The following ERN1 variants were observed in gnomAD, a reference collection of about 807,000 sequenced individuals.
ERN1 encodes endoplasmic reticulum to nucleus signaling 1, also known as serine/threonine-protein kinase/endoribonuclease IRE1.
Under a neutral mutation model 113.1 loss-of-function variants are expected in ERN1, and 39 were observed. The observed-to-expected ratio is 0.34, with a 90% CI of 0.27 to 0.45. The LOEUF (loss-of-function observed/expected upper bound fraction) is 0.45, where lower values mean the gene tolerates loss of function less well. Ranked by LOEUF, ERN1 falls within the 20% of genes least tolerant of loss-of-function variation. ERN1 has a pLI of 1.00. For missense variants in ERN1, 976 were observed against 1,274.8 expected (o/e 0.77, Z 3.57); for synonymous variants, 507 against 515.9 (o/e 0.98, Z 0.23).
At chr17:64,064,590 A>G (rs1275409439) in intron 9 of ERN1, among the ~76,000 whole-genome samples, 1 of 152,212 alleles carries the variant, frequency 6.6e-6, no homozygotes, top group Non-Finnish European at 1.5e-5. Context: ...CAGCCGCCCA[A>G]ATCACTGGGA....
chr17:64,054,531 G>C lies in ERN1; in HGVS notation c.1764-92C>G. The C allele has an allele frequency of 7.8e-7, 1 of 1,276,478 alleles. No homozygotes were observed. The highest frequency in any genetic ancestry group is 1.1e-6 in the Non-Finnish European group (1 of 921,526). The allele number at this position is 1,276,478 out of a possible 1,614,324, so 79.1% of individuals were successfully genotyped here. A position where few individuals can be genotyped will look rare whatever the true frequency, so the allele number is the denominator to read the frequency against. On this transcript the variant is annotated intron_variant, in intron 14 of 21. Transcript: ENST00000433197. This position sits in a 1 kb window ranked among gnomAD's most constrained non-coding sequence, Gnocchi z 4.9. ...CCTGGGTCCACAGCATTCACCTACT[G>C]CCTCCCAGCCTAGAGAGCCCCGCCT... is the stretch of plus-strand genomic sequence containing the variant.
At chr17:64,110,787 T>C (rs1470467654) in intron 1 of ERN1, among the ~76,000 whole-genome samples, 1 of 152,256 alleles carries the variant, frequency 6.6e-6, no homozygotes, top group East Asian at 1.9e-4. Flanking sequence ...TAGGCTTCTC[T>C]GAGAAGCGAT....
chr17:64,083,302 AAG>A (rs1427724514), intron 2 of ERN1, among the ~76,000 whole-genome samples: 2 of 152,204 alleles, frequency 1.3e-5, no homozygotes, highest in African/African-American at 2.4e-5. Flanking sequence ...CAAAAATAAA[AAG>A]AGCATTATCT....
intron 4 of ERN1, among the ~76,000 whole-genome samples, chr17:64,078,036 A>G (rs1181926153): frequency 1.3e-5 from 2 of 152,130 alleles, no homozygotes; most frequent in Non-Finnish European, 2.9e-5. Context: ...CCCAGCCACA[A>G]ATGTGCATTT....
intron 1 of ERN1, among the ~76,000 whole-genome samples, chr17:64,128,006 TC>T (rs1036449570): frequency 6.7e-6 from 1 of 149,198 alleles, no homozygotes; most frequent in African/African-American, 2.5e-5. Flanking sequence ...TTCTGACCTT[TC>T]TTTTTTTTTT....
rs1297347424 is a variant in ERN1 at position 64,075,033 on chromosome 17, G to A, written c.355+142C>T. On this transcript the variant is annotated intron_variant, in intron 5 of 21. Transcript: ENST00000433197. ...TTTCTTAATTGGTCAGCTGATCCTG[G>A]GGAGAACAGCACCTGAAGCACAACC... The A allele has an allele frequency of 1.4e-5, 10 of 697,002 alleles. 1 individual carries two copies. The highest frequency in any genetic ancestry group is 8.4e-5 in the South Asian group (5 of 59,408). The allele number at this position is 697,002 out of a possible 1,614,324, so 43.2% of individuals were successfully genotyped here.
chr17:64,098,497 C>T (rs1346612873), intron 1 of ERN1: 2 of 669,582 alleles, frequency 3.0e-6, no homozygotes, highest in Non-Finnish European at 5.6e-6. Context: ...TGAAATAATC[C>T]ATGGGCAACC....
chr17:64,081,746 T>TC (rs1491545179), intron 2 of ERN1, among the ~76,000 whole-genome samples: 4 of 152,214 alleles, frequency 2.6e-5, no homozygotes, highest in Admixed American at 2.6e-4. Flanking sequence ...CACGTTTTTT[T>TC]CTCTAAGTCA....
chr17:64,105,895 C>T (rs907379071), intron 1 of ERN1, among the ~76,000 whole-genome samples: 28 of 151,122 alleles, frequency 1.9e-4, no homozygotes, highest in African/African-American at 6.8e-4. Flanking sequence ...GCGGAGGTTG[C>T]AGTGAGCCGA....
chr17:64,095,687 C>T (rs1355031716), intron 2 of ERN1, among the ~76,000 whole-genome samples: 1 of 152,170 alleles, frequency 6.6e-6, no homozygotes, highest in Non-Finnish European at 1.5e-5. Flanking sequence ...ACATTAACAG[C>T]TCCCAATTTC....
chr17:64,086,637 C>CTTTTTTTTTTTTTTTTTTTTTTT (rs773655917), intron 2 of ERN1, among the ~76,000 whole-genome samples: 1 of 47,582 alleles, frequency 2.1e-5, no homozygotes, highest in Non-Finnish European at 3.7e-5. Flanking sequence ...CTTTTCTTTC[C>CTTTTTTTTTTTTTTTTTTTTTTT]TTTTTTTTTT....
chr17:64,051,420 T>A (rs1424698197), intron 17 of ERN1, among the ~76,000 whole-genome samples: 1 of 152,206 alleles, frequency 6.6e-6, no homozygotes, highest in Non-Finnish European at 1.5e-5. Flanking sequence ...GAGGAGGTGA[T>A]AATAATCTTA....
chr17:64,079,160 A>C (rs534905379), intron 4 of ERN1, among the ~76,000 whole-genome samples: 5 of 152,214 alleles, frequency 3.3e-5, no homozygotes, highest in African/African-American at 1.2e-4. Flanking sequence ...ACCTTCTGGG[A>C]TTGGGCCCTA....
At position 64,065,212 on chromosome 17, in the gene ERN1, G is replaced by A. The variant is rs1379992146; in HGVS notation, c.918C>T (p.Val306=). ...GAGCCCTCCGTAGTGGACTTACCACGACAGCAACCCCCTCGTGTACCATTG... is the reference window on the plus strand; with the variant it reads ...GAGCCCTCCGTAGTGGACTTACCACAACAGCAACCCCCTCGTGTACCATTG... ...SPSMVHEGVA[V]VPRGSTLPLL... The change falls in exon 9 of 22, where the codon GTC becomes GTT. Residue 306 remains valine, a synonymous_variant. Coordinates refer to ENST00000433197, the MANE Select transcript of ERN1 (RefSeq NM_001433.5). 7 of 1,605,674 alleles carry A rather than the reference G, an allele frequency of 4.4e-6. No individual in the cohort carries two copies. Among genetic ancestry groups the A allele is most frequent in the Middle Eastern group, 1.6e-4 (1 of 6,072 alleles).
chr17:64,115,646 C>T (rs1211720144), intron 1 of ERN1, among the ~76,000 whole-genome samples: 1 of 152,228 alleles, frequency 6.6e-6, no homozygotes, highest in South Asian at 2.1e-4. Flanking sequence ...CCTCTCAAAA[C>T]TCTTTGGTTT....
rs1397860742 is a variant in ERN1 at position 64,057,879 on chromosome 17, G to A, written c.1321C>T (p.Leu441Phe). ...AGGATGATGGTAGCCATGTCCTTAA[G>A]CATGGAGTCCACGGGGGCCTCGGGC... Reference protein sequence around the residue: ...ARPEAPVDSMLKDMATIILST... With the variant: ...ARPEAPVDSMFKDMATIILST... The change falls in exon 12 of 22, where the codon CTT (leucine) becomes TTT (phenylalanine). Residue 441 changes from leucine (L) to phenylalanine (F), a missense_variant. Around this residue, in one of 5 missense-constraint regions of ERN1, gnomAD observed 459 missense variants for 581.2 expected, o/e 0.79. Transcript: ENST00000433197. The A allele has an allele frequency of 6.2e-6, 10 of 1,613,918 alleles. No homozygotes were observed. The highest frequency in any genetic ancestry group is 8.5e-6 in the Non-Finnish European group (10 of 1,179,854).
chr17:64,048,625 AG>A (rs764335946), intron 18 of ERN1, among the ~76,000 whole-genome samples: 1 of 152,340 alleles, frequency 6.6e-6, no homozygotes, highest in East Asian at 1.9e-4. Context: ...CCAGGAGACC[AG>A]GAGGGTGAGG....
At chr17:64,072,186 A>G in intron 5 of ERN1, 83 bp from the exon 6 acceptor site, 1 of 1,455,112 alleles carries the variant, frequency 6.9e-7, no homozygotes, top group Admixed American at 1.9e-5. Context: ...GATGCTCTGT[A>G]TTGAGAGAGA....
rs1288095169 is a variant in ERN1 at position 64,040,514 on chromosome 17, A to G, written c.*3474T>C. ...TAATCTCTCACTGCAGCAAGAAAAG[A>G]ATTGCCAAAGATAACTGAATCGCAT... On this transcript the variant is annotated 3_prime_UTR_variant, in exon 22 of 22. Transcript: ENST00000433197. 1 of 152,262 alleles carries G rather than the reference A, an allele frequency of 6.6e-6. No individual in the cohort carries two copies. The highest frequency in any genetic ancestry group is 1.5e-5 in the Non-Finnish European group (1 of 68,086). 9.4% of individuals were successfully genotyped at this position (152,262 alleles called of 1,614,324 possible). A position where few individuals can be genotyped will look rare whatever the true frequency, so the allele number is the denominator to read the frequency against.
Sources: allele counts gnomAD v4.1 joint callset (sites outside exome capture counted in the v4.1 genomes callset), GRCh38; gene constraint gnomAD v4.1.1; regional missense constraint gnomAD v4.1.1; non-coding constraint Gnocchi (gnomAD v3.1); transcripts MANE v1.5; gene names NCBI Gene and HGNC (gene_info 2026-07-23, HGNC 2026-07-21).